ABI3BP: variants seen among roughly 807,000 people sequenced by gnomAD.
ABI3BP encodes target of Nesh-SH3.
ABI3BP carries 216 observed loss-of-function variants against 268.6 expected under a neutral mutation model. That is an observed-to-expected ratio of 0.80 (90% CI 0.72 to 0.90). ABI3BP has a LOEUF of 0.90. Ranked by LOEUF, ABI3BP falls within the 40% of genes least tolerant of loss-of-function variation. The pLI, the probability that ABI3BP is intolerant of heterozygous loss-of-function variation, is 0.00. For synonymous variants in ABI3BP, 730 were observed against 730.0 expected (o/e 1.00, Z 0.00); for missense variants, 2,090 against 2,182.4 (o/e 0.96, Z 0.84).
intron 60 of ABI3BP, 92 bp downstream of exon 60, chr3:100,775,115 C>G: frequency 6.9e-7 from 1 of 1,446,300 alleles, no homozygotes; most frequent in Non-Finnish European, 9.3e-7. Flanking sequence ...AAATAGAAGA[C>G]CTCAAACTGA....
At chr3:100,943,237 T>G (rs190888101) in intron 1 of ABI3BP, among the ~76,000 whole-genome samples, 23 of 152,232 alleles carry the variant, frequency 1.5e-4, no homozygotes, top group Admixed American at 2.6e-4. Context: ...GATTCCTGTC[T>G]TACTCATTTA....
At chr3:100,851,963 AAC>A (rs1435867092) in intron 14 of ABI3BP, 23 bp from the exon 15 acceptor site, 1 of 1,410,196 alleles carries the variant, frequency 7.1e-7, no homozygotes, top group Non-Finnish European at 9.7e-7. Flanking sequence ...AAAAAGGCAA[AAC>A]AAGAGAGATG....
At chr3:100,979,810 A>G (rs1230347705) in intron 1 of ABI3BP, among the ~76,000 whole-genome samples, 1 of 152,240 alleles carries the variant, frequency 6.6e-6, no homozygotes, top group African/African-American at 2.4e-5. Context: ...ATGGGATTAT[A>G]GGACTCAATG....
intron 1 of ABI3BP, among the ~76,000 whole-genome samples, chr3:100,931,513 T>C (rs1034810492): frequency 4.6e-5 from 7 of 152,030 alleles, no homozygotes; most frequent in Non-Finnish European, 8.8e-5. Context: ...AGTTTCAGGA[T>C]ACAAAATCAA....
In ABI3BP at chr3:100,802,859, C is replaced by G. The variant is rs575101874; in HGVS notation, c.3757+1933G>C. On this transcript the variant is annotated intron_variant, in intron 51 of 67. Transcript: ENST00000471714. ...CATTAAACTACACATGTCATTTACC[C>G]TCTGTTTTTTGAAGTATAACCCACA... 3.5e-5 allele frequency among the ~76,000 whole-genome samples: 4 copies of G among 113,592 alleles called. 1 individual carries two copies. The highest frequency in any genetic ancestry group is 1.1e-4 in the African/African-American group (4 of 37,392). The allele number at this position is 113,592 out of a possible 152,430, so 74.5% of individuals were successfully genotyped here. A position where few individuals can be genotyped will look rare whatever the true frequency, so the allele number is the denominator to read the frequency against.
intron 59 of ABI3BP, among the ~76,000 whole-genome samples, chr3:100,775,971 TG>T (rs1394128666): frequency 1.3e-5 from 2 of 152,130 alleles, no homozygotes; most frequent in Non-Finnish European, 2.9e-5. Flanking sequence ...GTGGCAGGCA[TG>T]GAAGATGGCT....
chr3:100,847,674 C>T lies in ABI3BP; in HGVS notation c.1577-1G>A. The T allele has an allele frequency of 6.2e-7, 1 of 1,613,136 alleles. No individual in the cohort carries two copies. Among genetic ancestry groups the T allele is most frequent in the South Asian group, 1.1e-5 (1 of 91,054 alleles). On this transcript the variant is annotated splice_acceptor_variant, in intron 18 of 67. Coordinates refer to ENST00000471714, the MANE Select transcript of ABI3BP (RefSeq NM_001375547.2). LOFTEE classifies it high-confidence loss of function. ...ATTGTTCCGGCACTTGTGGTTCTTT[C>T]TGGTGATGGAAAGGAAAAAAATATT... is the stretch of plus-strand genomic sequence containing the variant.
intron 2 of ABI3BP, among the ~76,000 whole-genome samples, chr3:100,906,207 A>G (rs2053369383): frequency 6.6e-6 from 1 of 152,206 alleles, no homozygotes; most frequent in South Asian, 2.1e-4. Flanking sequence ...GAAAAATAAC[A>G]TATACAGAAG....
At chr3:100,769,238 C>T (rs2096457169) in intron 62 of ABI3BP, among the ~76,000 whole-genome samples, 2 of 152,150 alleles carry the variant, frequency 1.3e-5, no homozygotes, top group African/African-American at 4.8e-5. Context: ...TAAATACGAA[C>T]TTAATTCTAT....
intron 2 of ABI3BP, among the ~76,000 whole-genome samples, chr3:100,907,500 A>G (rs1032850890): frequency 2.6e-5 from 4 of 151,982 alleles, no homozygotes; most frequent in South Asian, 4.2e-4. Flanking sequence ...TTGGGGGGGG[A>G]ATAAAAGCTG....
chr3:100,778,231 G>A (rs2096763316), intron 59 of ABI3BP, 53 bp downstream of exon 59: 2 of 1,544,762 alleles, frequency 1.3e-6, no homozygotes, highest in Admixed American at 3.4e-5. Flanking sequence ...AGCTTATGTT[G>A]GCTAGTAAAA....
At chr3:100,950,922 A>G (rs1487160123) in intron 1 of ABI3BP, among the ~76,000 whole-genome samples, 1 of 151,918 alleles carries the variant, frequency 6.6e-6, no homozygotes, top group Non-Finnish European at 1.5e-5. Flanking sequence ...GGAACATTAC[A>G]TTAATCCCAG....
At chr3:100,792,576 C>CA (rs1175599615) in intron 55 of ABI3BP, 115 bp downstream of exon 55, 34 of 1,063,906 alleles carry the variant, frequency 3.2e-5, no homozygotes, top group South Asian at 7.3e-5. Flanking sequence ...TATAAAATGA[C>CA]AAAAAAAGTC....
At chr3:100,830,164 T>TATATAA (rs2098467376) in intron 32 of ABI3BP, among the ~76,000 whole-genome samples, 4 of 84,894 alleles carry the variant, frequency 4.7e-5, no homozygotes, top group Non-Finnish European at 9.3e-5. Flanking sequence ...TATATATATA[T>TATATAA]AAAATGCAGA....
chr3:100,897,614 T>A (rs931843882), intron 4 of ABI3BP, among the ~76,000 whole-genome samples: 11 of 152,174 alleles, frequency 7.2e-5, no homozygotes, highest in African/African-American at 2.7e-4. Context: ...GCAAAACTAA[T>A]CTATGGTGAT....
chr3:100,980,176 C>CAA (rs967177855), intron 1 of ABI3BP, among the ~76,000 whole-genome samples: 5 of 152,178 alleles, frequency 3.3e-5, no homozygotes, highest in African/African-American at 1.2e-4. Flanking sequence ...GTTGATCATT[C>CAA]AAAAATTCAT....
intron 4 of ABI3BP, among the ~76,000 whole-genome samples, chr3:100,894,716 G>T (rs1039662893): frequency 3.3e-5 from 5 of 151,968 alleles, no homozygotes; most frequent in African/African-American, 1.2e-4. Context: ...AAGGAGGGCA[G>T]ATCACGAGGT....
chr3:100,886,045 T>C, intron 5 of ABI3BP, 97 bp downstream of exon 5: 2 of 900,648 alleles, frequency 2.2e-6, no homozygotes, highest in Non-Finnish European at 3.2e-6. Context: ...AGGAATTAGC[T>C]TATTTCATAT....
intron 4 of ABI3BP, among the ~76,000 whole-genome samples, chr3:100,896,948 T>C (rs1218253429): frequency 6.6e-6 from 1 of 152,224 alleles, no homozygotes; most frequent in Non-Finnish European, 1.5e-5. Context: ...ATTTGATTTT[T>C]TTCTTGAGTC....
Sources: allele counts gnomAD v4.1 joint callset (sites outside exome capture counted in the v4.1 genomes callset), GRCh38; gene constraint gnomAD v4.1.1; transcripts MANE v1.5; gene names NCBI Gene and HGNC (gene_info 2026-07-23, HGNC 2026-07-21).